SFMBT1: variants seen among roughly 807,000 people sequenced by gnomAD.
SFMBT1 encodes scm-like with four MBT domains protein 1.
SFMBT1 carries 32 observed loss-of-function variants against 108.7 expected under a neutral mutation model. The ratio of observed to expected loss-of-function variants is 0.29; its 90% CI spans 0.22 to 0.40. SFMBT1 has a LOEUF of 0.40. Ranked by LOEUF, SFMBT1 falls within the 10% of genes least tolerant of loss-of-function variation. The pLI, the probability that SFMBT1 is intolerant of heterozygous loss-of-function variation, is 1.00. For missense variants in SFMBT1, 816 were observed against 1,059.6 expected, an observed-to-expected ratio of 0.77 and a Z score of 3.19; for synonymous variants, 348 against 369.5, an observed-to-expected ratio of 0.94 and a Z score of 0.67.
chr3:52,931,404 C>T (rs1702855733), intron 6 of SFMBT1, among the ~76,000 whole-genome samples: 1 of 151,810 alleles, frequency 6.6e-6, no homozygotes, highest in Admixed American at 6.6e-5. Flanking sequence ...TTGCTGTGAC[C>T]CAATTTTCTA....
chr3:53,042,723 T>C (rs71301806), intron 1 of SFMBT1, among the ~76,000 whole-genome samples: 1 of 152,260 alleles, frequency 6.6e-6, no homozygotes, highest in African/African-American at 2.4e-5. Context: ...GTGTATTTTG[T>C]TTCTCGTGTA....
chr3:53,038,514 TTAGG>T (rs1699935755), intron 1 of SFMBT1, among the ~76,000 whole-genome samples: 1 of 152,162 alleles, frequency 6.6e-6, no homozygotes, highest in African/African-American at 2.4e-5. Flanking sequence ...ACAAACAGTA[TTAGG>T]AAACTCATCC....
chr3:52,993,804 C>T (rs1698219413), intron 1 of SFMBT1, among the ~76,000 whole-genome samples: 1 of 150,076 alleles, frequency 6.7e-6, no homozygotes, highest in Admixed American at 6.7e-5. Context: ...CTTATTTATA[C>T]ACAAGATCAA....
intron 2 of SFMBT1, among the ~76,000 whole-genome samples, chr3:52,955,759 A>G (rs1703757722): frequency 6.6e-6 from 1 of 152,178 alleles, no homozygotes; most frequent in Admixed American, 6.6e-5. Context: ...TTCACAGCAC[A>G]TTTCTACCAG....
chr3:52,952,914 T>C (rs1022876497), intron 3 of SFMBT1, among the ~76,000 whole-genome samples: 1 of 152,178 alleles, frequency 6.6e-6, no homozygotes, highest in African/African-American at 2.4e-5. Context: ...CACAGAACTC[T>C]TACTGTTTCT....
chr3:52,929,261 C>G (rs147946995), intron 8 of SFMBT1, among the ~76,000 whole-genome samples: 1 of 151,832 alleles, frequency 6.6e-6, no homozygotes, highest in Non-Finnish European at 1.5e-5. Flanking sequence ...TATTTAGAGA[C>G]GGAGTTTCGC....
At chr3:52,935,478 T>C (rs904205507) in intron 4 of SFMBT1, among the ~76,000 whole-genome samples, 1 of 152,226 alleles carries the variant, frequency 6.6e-6, no homozygotes, top group African/African-American at 2.4e-5. Context: ...ATATTTACTA[T>C]CTTGCCCTTT....
At chr3:52,971,227 G>A (rs917757858) in intron 1 of SFMBT1, among the ~76,000 whole-genome samples, 8 of 151,784 alleles carry the variant, frequency 5.3e-5, no homozygotes, top group African/African-American at 1.9e-4. Context: ...ATACGCTACC[G>A]TATTATGTCC....
At chr3:52,985,115 A>G (rs1487495913) in intron 1 of SFMBT1, among the ~76,000 whole-genome samples, 1 of 152,222 alleles carries the variant, frequency 6.6e-6, no homozygotes, top group Non-Finnish European at 1.5e-5. Flanking sequence ...AGCCAGTAAC[A>G]TGAGCACATG....
chr3:52,919,284 C>T (rs897481851), intron 12 of SFMBT1, among the ~76,000 whole-genome samples: 21 of 144,404 alleles, frequency 1.5e-4, no homozygotes, highest in East Asian at 1.3e-3. Context: ...AAATGTCCAT[C>T]AACTGTTAAA....
chr3:52,923,617 A>G (rs534188296), intron 10 of SFMBT1, among the ~76,000 whole-genome samples: 2 of 152,222 alleles, frequency 1.3e-5, no homozygotes, highest in South Asian at 2.1e-4. Context: ...CCAGAAAATA[A>G]AAAACATGAT....
At chr3:53,045,682 G>GCCCGGC (rs1187690192) in intron 1 of SFMBT1, 134 bp downstream of exon 1, 1 of 135,438 alleles carries the variant, frequency 7.4e-6, no homozygotes, top group African/African-American at 2.8e-5. Context: ...GCCCGCCGGC[G>GCCCGGC]CCCGGCGGTT....
rs2106757406 is a variant in SFMBT1, at chr3:52,907,287, G to C, written c.2113C>G (p.Pro705Ala). ...QGSGGEDEDD[P>A]DEGDDDSLSE... The stretch of plus-strand genomic sequence containing the variant: ...AGGGAATCATCATCCCCTTCATCTG[G>C]GTCATCCTCATCTTCACCCCCACTT... Residue 705 changes from proline to alanine, a missense_variant, in exon 19 of 21, where the codon CCA becomes GCA. This residue lies in a region of SFMBT1 where 177 missense variants were observed against 182.0 expected (regional missense o/e 0.97). Coordinates refer to ENST00000394752, the MANE Select transcript of SFMBT1 (RefSeq NM_016329.4). 2 of 1,613,566 alleles carry C rather than the reference G, an allele frequency of 1.2e-6. No homozygotes were observed. The highest frequency in any genetic ancestry group is 2.7e-5 in the African/African-American group (2 of 74,940).
chr3:52,910,494 CTT>C (rs113667520), intron 17 of SFMBT1, among the ~76,000 whole-genome samples: 1 of 151,160 alleles, frequency 6.6e-6, no homozygotes, highest in African/African-American at 2.4e-5. Context: ...TTAAAGGGTT[CTT>C]TTTTTTTGGA....
intron 11 of SFMBT1, 64 bp downstream of exon 11, chr3:52,921,641 A>G: frequency 1.3e-5 from 21 of 1,561,010 alleles, no homozygotes; most frequent in Non-Finnish European, 1.7e-5. Flanking sequence ...GCAACATTAC[A>G]GGAGTAAACA....
At chr3:52,914,707 G>A (rs1343800967) in intron 14 of SFMBT1, among the ~76,000 whole-genome samples, 1 of 152,162 alleles carries the variant, frequency 6.6e-6, no homozygotes, top group Non-Finnish European at 1.5e-5. Flanking sequence ...TCACTGCACT[G>A]CACTCCAGCC....
chr3:52,925,731 A>G (rs992683838), intron 10 of SFMBT1, among the ~76,000 whole-genome samples: 2 of 152,230 alleles, frequency 1.3e-5, no homozygotes, highest in Non-Finnish European at 2.9e-5. Context: ...TCTCCACTTA[A>G]TATTTCAACA....
intron 4 of SFMBT1, among the ~76,000 whole-genome samples, chr3:52,939,529 G>A (rs1301637066): frequency 6.6e-6 from 1 of 152,122 alleles, no homozygotes; most frequent in Non-Finnish European, 1.5e-5. Context: ...GGCCGAGATC[G>A]TGCCACTGTA....
chr3:53,022,364 T>C (rs1313416951), intron 1 of SFMBT1, among the ~76,000 whole-genome samples: 1 of 148,906 alleles, frequency 6.7e-6, no homozygotes, highest in Non-Finnish European at 1.5e-5. Context: ...ACAGGAGAAC[T>C]GCTTGGGCCC....
Sources: allele counts gnomAD v4.1 joint callset (sites outside exome capture counted in the v4.1 genomes callset), GRCh38; gene constraint gnomAD v4.1.1; regional missense constraint gnomAD v4.1.1; transcripts MANE v1.5; gene names NCBI Gene and HGNC (gene_info 2026-07-23, HGNC 2026-07-21).